BTBD9: variants seen among roughly 807,000 people sequenced by gnomAD.
BTBD9 encodes the protein BTB/POZ domain-containing protein 9.
BTBD9 carries 49 observed loss-of-function variants against 64.3 expected under a neutral mutation model. The ratio of observed to expected loss-of-function variants is 0.76; its 90% CI spans 0.61 to 0.97. The LOEUF is 0.97. BTBD9 is among the 50% of genes least tolerant of loss of function. The pLI is 0.00. For missense variants in BTBD9, 598 were observed against 762.1 expected, an observed-to-expected ratio of 0.78 and a Z score of 2.53; for synonymous variants, 260 against 274.7, an observed-to-expected ratio of 0.95 and a Z score of 0.53.
intron 1 of BTBD9, among the ~76,000 whole-genome samples, chr6:38,608,130 T>C (rs1351355659): frequency 6.6e-6 from 1 of 152,188 alleles, no homozygotes; most frequent in Non-Finnish European, 1.5e-5. Context: ...TTTGCTCTAG[T>C]ATATGACTCC....
At chr6:38,332,142 G>T (rs1763700575) in intron 7 of BTBD9, among the ~76,000 whole-genome samples, 1 of 151,692 alleles carries the variant, frequency 6.6e-6, no homozygotes, top group Non-Finnish European at 1.5e-5. Context: ...TACTTATTTT[G>T]TCATGTATGT....
chr6:38,303,902 C>T (rs12665692), intron 7 of BTBD9, among the ~76,000 whole-genome samples: 23,331 of 80,142 alleles, frequency 0.29, 2,313 homozygotes, highest in Admixed American at 0.32. Context: ...TATATATATA[C>T]GTGTATATAT....
At chr6:38,467,132 AAAAC>A (rs970857325) in intron 6 of BTBD9, among the ~76,000 whole-genome samples, 8 of 152,236 alleles carry the variant, frequency 5.3e-5, no homozygotes, top group Admixed American at 5.2e-4. Flanking sequence ...GTCCTGAATT[AAAAC>A]AAACAAACAA....
At chr6:38,377,586 G>GCA (rs1306780333) in intron 6 of BTBD9, among the ~76,000 whole-genome samples, 6 of 151,932 alleles carry the variant, frequency 3.9e-5, no homozygotes, top group East Asian at 3.9e-4. Context: ...ATACAGGCAT[G>GCA]CACACACACA....
At chr6:38,247,397 G>C (rs1418766597) in intron 9 of BTBD9, among the ~76,000 whole-genome samples, 1 of 152,186 alleles carries the variant, frequency 6.6e-6, no homozygotes, top group Non-Finnish European at 1.5e-5. Context: ...ATTCAGCAAG[G>C]GGACAGACAA....
At chr6:38,213,693 A>C (rs1161247180) in intron 9 of BTBD9, among the ~76,000 whole-genome samples, 1 of 152,120 alleles carries the variant, frequency 6.6e-6, no homozygotes, top group Admixed American at 6.5e-5. Flanking sequence ...AAAAATAAAA[A>C]AATCATGGCT....
intron 6 of BTBD9, among the ~76,000 whole-genome samples, chr6:38,491,082 G>A (rs1487178874): frequency 6.6e-6 from 1 of 152,190 alleles, no homozygotes; most frequent in Non-Finnish European, 1.5e-5. Flanking sequence ...TCATCATGTT[G>A]AGAGAGATCT....
Position 38,527,739 on chromosome 6 carries a change from A to G in BTBD9, c.1154+49861T>C, listed in dbSNP as rs933786726. Among the ~76,000 whole-genome samples the G allele has an allele frequency of 2.1e-4, 31 of 150,248 alleles. 1 individual carries two copies. The highest frequency in any genetic ancestry group is 2.0e-4 in the Admixed American group (3 of 15,046). On this transcript the variant is annotated intron_variant, in intron 6 of 10. Coordinates refer to ENST00000481247, the MANE Select transcript of BTBD9 (RefSeq NM_001099272.2). ...TACATTGTAGTTAAACCACATCAATATAAGTCAGAATCATAATCAGAAACC... is the reference window on the plus strand; with the variant it reads ...TACATTGTAGTTAAACCACATCAATGTAAGTCAGAATCATAATCAGAAACC...
At chr6:38,622,512 T>C (rs1778021939) in intron 1 of BTBD9, among the ~76,000 whole-genome samples, 1 of 152,162 alleles carries the variant, frequency 6.6e-6, no homozygotes, top group African/African-American at 2.4e-5. Flanking sequence ...TCACTGCACC[T>C]GGAGGCCACA....
At chr6:38,532,883 A>G (rs1168996347) in intron 6 of BTBD9, among the ~76,000 whole-genome samples, 1 of 151,332 alleles carries the variant, frequency 6.6e-6, no homozygotes, top group African/African-American at 2.4e-5. Context: ...GTGAAAGGAA[A>G]AGTAAGGGGG....
At chr6:38,362,409 C>A (rs990774077) in intron 6 of BTBD9, among the ~76,000 whole-genome samples, 1 of 152,096 alleles carries the variant, frequency 6.6e-6, no homozygotes, top group Non-Finnish European at 1.5e-5. Flanking sequence ...ACGGAATGCA[C>A]TAAAATGTTT....
intron 6 of BTBD9, among the ~76,000 whole-genome samples, chr6:38,547,460 G>A (rs1381036791): frequency 1.3e-5 from 2 of 151,958 alleles, no homozygotes; most frequent in Non-Finnish European, 2.9e-5. Flanking sequence ...ATATAAACCT[G>A]CTAAAACAAA....
chr6:38,298,769 T>C lies in BTBD9; in HGVS notation c.1265-10308A>G, dbSNP rs535038496. 1.1e-4 allele frequency among the ~76,000 whole-genome samples: 17 copies of C among 152,294 alleles called. 1 individual carries two copies. The South Asian group carries it at 3.3e-3, about 30-fold the overall frequency. ...CCCAATTATGAGTAACAACATATGA[T>C]ATCTGTCTGTCTGTGCCTGGCTTAT... is the stretch of plus-strand genomic sequence containing the variant. On this transcript the variant is annotated intron_variant, in intron 7 of 10. Transcript: ENST00000481247.
At chr6:38,331,340 G>A (rs1763668959) in intron 7 of BTBD9, among the ~76,000 whole-genome samples, 1 of 152,102 alleles carries the variant, frequency 6.6e-6, no homozygotes, top group African/African-American at 2.4e-5. Context: ...TTAGCTGGGA[G>A]TGGTGGCGCA....
At chr6:38,420,541 C>T (rs1399738352) in intron 6 of BTBD9, among the ~76,000 whole-genome samples, 1 of 151,984 alleles carries the variant, frequency 6.6e-6, no homozygotes, top group East Asian at 1.9e-4. Context: ...GATGGCTACA[C>T]AGAGAAGGTT....
At chr6:38,426,456 A>G (rs1159208542) in intron 6 of BTBD9, among the ~76,000 whole-genome samples, 1 of 151,738 alleles carries the variant, frequency 6.6e-6, no homozygotes, top group East Asian at 1.9e-4. Context: ...GTTTCACTCT[A>G]TTAAATCTTG....
intron 6 of BTBD9, among the ~76,000 whole-genome samples, chr6:38,414,675 ACT>A (rs1343745723): frequency 6.6e-6 from 1 of 151,898 alleles, no homozygotes; most frequent in Non-Finnish European, 1.5e-5. Flanking sequence ...ACTGCTATGC[ACT>A]CTTAATGTAA....
chr6:38,505,887 C>T (rs962123809), intron 6 of BTBD9, among the ~76,000 whole-genome samples: 2 of 142,662 alleles, frequency 1.4e-5, no homozygotes, highest in African/African-American at 5.1e-5. Flanking sequence ...ATCACTGGAA[C>T]CCGGGAGGCA....
At chr6:38,482,188 C>T (rs1450127176) in intron 6 of BTBD9, 1 of 152,118 alleles carries the variant, frequency 6.6e-6, no homozygotes, top group African/African-American at 2.4e-5. Flanking sequence ...TACTCTTGCC[C>T]GAAGCCCTCT....
Sources: allele counts gnomAD v4.1 joint callset (sites outside exome capture counted in the v4.1 genomes callset), GRCh38; gene constraint gnomAD v4.1.1; transcripts MANE v1.5; gene names NCBI Gene and HGNC (gene_info 2026-07-23, HGNC 2026-07-21).